PDXDC1: variants seen among roughly 807,000 people sequenced by gnomAD.
PDXDC1 encodes the protein pyridoxal-dependent decarboxylase domain-containing protein 1.
In PDXDC1, 42 loss-of-function variants were observed where a neutral mutation model predicts 100.1. That is an observed-to-expected ratio of 0.42 (90% CI 0.33 to 0.54). The LOEUF is 0.54. PDXDC1 is among the 20% of genes least tolerant of loss of function. The probability of loss-of-function intolerance (pLI) is 0.10; values close to 1 mark genes in which losing one functional copy is unlikely to be tolerated. For missense variants in PDXDC1, 636 were observed against 979.2 expected, an observed-to-expected ratio of 0.65 and a Z score of 4.68; for synonymous variants, 260 against 371.7, an observed-to-expected ratio of 0.70 and a Z score of 3.46.
intron 16 of PDXDC1, among the ~76,000 whole-genome samples, chr16:15,101,387 G>T (rs139318647): frequency 0.012 from 1,786 of 152,246 alleles, 23 homozygotes; most frequent in Non-Finnish European, 0.019. Context: ...CACGATCTCG[G>T]CTCACTGCAA....
chr16:15,075,734 T>A (rs558658379), intron 16 of PDXDC1, among the ~76,000 whole-genome samples: 1 of 152,096 alleles, frequency 6.6e-6, no homozygotes, highest in Non-Finnish European at 1.5e-5. Flanking sequence ...ATGAGACCTA[T>A]CCATGCAAAA....
At chr16:15,141,983 G>A (rs1339604412), downstream of PDXDC1, among the ~76,000 whole-genome samples, 2 of 152,178 alleles carry the variant, frequency 1.3e-5, no homozygotes, top group Non-Finnish European at 2.9e-5. Context: ...CAGCCCTAAG[G>A]GGCGAGAGGT....
At position 15,120,034 on chromosome 16, in the gene PDXDC1, TCTC is replaced by T. The variant is rs1257059536; in HGVS notation, c.1400-18842_1400-18840del. ...CATGAGCCACTGTACCTGGCCAAAA[TCTC>T]CTAATGTTTTAAGAAAGTTTACAAA... On this transcript the variant is annotated intron_variant, in intron 16 of 16. Coordinates refer to the PDXDC1 transcript ENST00000535621. 7.7e-3 allele frequency among the ~76,000 whole-genome samples: 538 copies of T among 69,694 alleles called. 5 individuals carry two copies. The highest frequency in any genetic ancestry group is 0.02 in the South Asian group (24 of 1,172). The allele number at this position is 69,694 out of a possible 152,430, so 45.7% of individuals were successfully genotyped here. A position where few individuals can be genotyped will look rare whatever the true frequency, so the allele number is the denominator to read the frequency against.
At chr16:15,043,005 G>A (rs112740798), downstream of PDXDC1, among the ~76,000 whole-genome samples, 23 of 151,376 alleles carry the variant, frequency 1.5e-4, 1 homozygote, top group African/African-American at 4.4e-4. Context: ...GGTTCAAGCG[G>A]TTCTCCTGCC....
intron 16 of PDXDC1, chr16:15,131,160 A>G: frequency 6.3e-7 from 1 of 1,590,256 alleles, no homozygotes; most frequent in Non-Finnish European, 8.6e-7. Context: ...TGACCACAGC[A>G]CCGACGGAGG....
intron 16 of PDXDC1, chr16:15,122,027 A>G (rs2047445968): frequency 1.0e-5 from 3 of 285,856 alleles, no homozygotes; most frequent in South Asian, 8.9e-5. Flanking sequence ...AAATACAAAA[A>G]TTAGCCAGGC....
intron 16 of PDXDC1, chr16:15,125,255 C>G: frequency 1.7e-6 from 1 of 584,454 alleles, no homozygotes. Flanking sequence ...AGATTGCTAC[C>G]CACAATGGAC....
intron 16 of PDXDC1, among the ~76,000 whole-genome samples, chr16:15,124,652 G>A (rs1002263661): frequency 3.0e-4 from 46 of 150,982 alleles, no homozygotes; most frequent in Middle Eastern, 3.5e-3. Context: ...GGCGCCTGTA[G>A]TCCCACCTAC....
chr16:15,094,363 G>C (rs1256290417), intron 16 of PDXDC1: 1 of 823,058 alleles, frequency 1.2e-6, no homozygotes, highest in Admixed American at 2.6e-5. Context: ...TGGGGAGGGC[G>C]TATGCTCTCG....
chr16:15,085,564 C>T (rs189668309), intron 16 of PDXDC1: 20 of 1,575,866 alleles, frequency 1.3e-5, no homozygotes, highest in Middle Eastern at 1.7e-4. Flanking sequence ...GTGATCCTCC[C>T]GTCTTGGCTT....
downstream of PDXDC1, among the ~76,000 whole-genome samples, chr16:15,042,070 G>T (rs1397977980): frequency 6.6e-6 from 1 of 152,064 alleles, no homozygotes; most frequent in Non-Finnish European, 1.5e-5. Context: ...AAATACAAGA[G>T]AACATAAGGA....
chr16:15,002,872 A>C (rs1265669406), intron 4 of PDXDC1, among the ~76,000 whole-genome samples: 1 of 152,192 alleles, frequency 6.6e-6, no homozygotes, highest in African/African-American at 2.4e-5. Context: ...ATAAGTGAGA[A>C]ATGGTGTTTC....
chr16:15,006,313 G>C, intron 5 of PDXDC1, 81 bp from the exon 6 acceptor site: 2 of 1,333,300 alleles, frequency 1.5e-6, no homozygotes, highest in East Asian at 4.9e-5. Flanking sequence ...CTTGAGAAAA[G>C]AATTGTCTCC....
At chr16:15,039,955 G>T (rs142552122), downstream of PDXDC1, 1,356 of 1,463,218 alleles carry the variant, frequency 9.3e-4, 14 homozygotes, top group African/African-American at 0.017. Flanking sequence ...TAACAAAGAT[G>T]ATTTGAAACT....
downstream of PDXDC1, chr16:15,039,852 T>C (rs1295374113): frequency 8.9e-6 from 6 of 675,864 alleles, no homozygotes; most frequent in Non-Finnish European, 5.3e-6. Flanking sequence ...TCCCTGATAA[T>C]GTACGGCTAT....
At chr16:15,066,401 G>T (rs538013753) in intron 16 of PDXDC1, among the ~76,000 whole-genome samples, 1 of 152,128 alleles carries the variant, frequency 6.6e-6, no homozygotes, top group African/African-American at 2.4e-5. Context: ...GGGAGGTTGA[G>T]GCAGGCGGTT....
chr16:15,140,005 G>T (rs936364757), downstream of PDXDC1, among the ~76,000 whole-genome samples: 1 of 136,454 alleles, frequency 7.3e-6, no homozygotes, highest in Non-Finnish European at 1.5e-5. Context: ...GCTGAGGCAG[G>T]AGAATCACGT....
chr16:15,070,793 T>C (rs1168630199), intron 16 of PDXDC1, among the ~76,000 whole-genome samples: 4 of 151,602 alleles, frequency 2.6e-5, no homozygotes, highest in Admixed American at 6.6e-5. Flanking sequence ...ACAGATACAA[T>C]AGATTTGGAA....
chr16:15,048,973 G>A (rs972688927), intron 16 of PDXDC1, among the ~76,000 whole-genome samples: 2 of 145,742 alleles, frequency 1.4e-5, no homozygotes, highest in Non-Finnish European at 3.0e-5. Context: ...TGCCCAGGCT[G>A]GTCTCAAACT....
Sources: gnomAD v4.1 joint callset for allele counts (sites outside exome capture counted in the v4.1 genomes callset) on GRCh38, gnomAD v4.1.1 for gene constraint, MANE v1.5 for transcripts, NCBI Gene and HGNC (gene_info 2026-07-23, HGNC 2026-07-21) for gene names.